Variants in PRDM11 observed in about 807,000 individuals in gnomAD.
PRDM11 encodes PR/SET domain 11.
In PRDM11, 20 loss-of-function variants were observed where a neutral mutation model predicts 97.8. The observed-to-expected ratio is 0.20, with a 90% CI of 0.14 to 0.30. The LOEUF (loss-of-function observed/expected upper bound fraction) is 0.30. Among genes scored for constraint, PRDM11 ranks in the 10% least tolerant of loss-of-function variants. The pLI, the probability that PRDM11 is intolerant of heterozygous loss-of-function variation, is 1.00. For synonymous variants in PRDM11, 599 were observed against 637.7 expected (o/e 0.94, Z 0.91); for missense variants, 1,139 against 1,555.2 (o/e 0.73, Z 4.50).
rs538756620 is a variant in PRDM11, at chr11:45,129,672, T to C, written c.96+33771T>C. Among the ~76,000 whole-genome samples the C allele has an allele frequency of 1.1e-4, 16 of 152,300 alleles. No homozygotes were observed. In the South Asian group the frequency reaches 2.7e-3, roughly 26 times the overall value. On this transcript the variant is annotated intron_variant, in intron 1 of 6. Transcript: ENST00000530656. ...TACATAAACACTTCATGTTTACAGA[T>C]TGGAAGAATCAATATTGTTTCTCTC... is the stretch of plus-strand genomic sequence containing the variant.
intron 1 of PRDM11, among the ~76,000 whole-genome samples, chr11:45,097,483 C>T (rs1425371663): frequency 6.6e-6 from 1 of 151,950 alleles, no homozygotes; most frequent in Non-Finnish European, 1.5e-5. Flanking sequence ...TCATCCCTCC[C>T]ATTTAACAGG....
At chr11:45,225,855 G>A in intron 7 of PRDM11, 140 bp from the exon 8 acceptor site, 1 of 1,102,082 alleles carries the variant, frequency 9.1e-7, no homozygotes, top group Non-Finnish European at 1.2e-6. Context: ...TTCTGGGCTG[G>A]GATTCAATCC....
intron 1 of PRDM11, among the ~76,000 whole-genome samples, chr11:45,180,711 G>A (rs1221801822): frequency 6.7e-6 from 1 of 149,826 alleles, no homozygotes; most frequent in Non-Finnish European, 1.5e-5. Context: ...GGGCCGGGCC[G>A]GGCAGGGAGC....
intron 4 of PRDM11, among the ~76,000 whole-genome samples, chr11:45,187,205 G>C (rs893374642): frequency 3.3e-5 from 5 of 152,194 alleles, no homozygotes; most frequent in African/African-American, 1.2e-4. Context: ...GTGCTGCAGA[G>C]GGCTGTAGCA....
At chr11:45,209,265 C>T in intron 5 of PRDM11, 1 of 370,266 alleles carries the variant, frequency 2.7e-6, no homozygotes. Flanking sequence ...CAGGGCGGAA[C>T]TGGATGGCAC....
rs1326400075 is a variant in PRDM11 at position 45,219,329 on chromosome 11, A to G, written c.555-241A>G. On this transcript the variant is annotated intron_variant, in intron 5 of 7. Coordinates refer to ENST00000683152, the MANE Select transcript of PRDM11 (RefSeq NM_001384648.1). This position sits in a 1 kb window ranked among gnomAD's most constrained non-coding sequence, Gnocchi z 4.2. ...CAGGTGTCATATCCAGTCTCAGAAA[A>G]CAGAGATTCTTAGAGGTTTGGAGAT... Among the ~76,000 whole-genome samples, 1 of 152,164 alleles carries G rather than the reference A, an allele frequency of 6.6e-6. No individual in the cohort carries two copies. The highest frequency in any genetic ancestry group is 1.5e-5 in the Non-Finnish European group (1 of 68,024).
chr11:45,205,645 A>G (rs11828734), intron 5 of PRDM11, among the ~76,000 whole-genome samples: 60,990 of 152,092 alleles, frequency 0.4, 12,505 homozygotes, highest in Non-Finnish European at 0.45. Context: ...CTGACCCATG[A>G]GGCCTTGAGG....
chr11:45,116,531 TA>T (rs1852306817), intron 1 of PRDM11, among the ~76,000 whole-genome samples: 1 of 152,240 alleles, frequency 6.6e-6, no homozygotes, highest in African/African-American at 2.4e-5. Flanking sequence ...AACATATCTT[TA>T]AATAACTCCT....
intron 1 of PRDM11, among the ~76,000 whole-genome samples, chr11:45,164,425 G>A (rs140722272): frequency 6.6e-6 from 1 of 152,344 alleles, no homozygotes; most frequent in Non-Finnish European, 1.5e-5. Flanking sequence ...GCAGCCTTTG[G>A]GCTAATTTTA....
rs116385625 is a variant in PRDM11, at chr11:45,166,609, C to G, written c.-6-15152C>G. Among the ~76,000 whole-genome samples, 1,088 of 152,372 alleles carry G rather than the reference C, an allele frequency of 7.1e-3. 16 individuals are homozygous for G. Among genetic ancestry groups the G allele is most frequent in the African/African-American group, 0.025 (1,042 of 41,594 alleles). ...CTGCAAGCCCCCTGAGGGTGGCGACCTTGTTCACCCATGGTTCCTAGCACC... is the reference window on the plus strand; with the variant it reads ...CTGCAAGCCCCCTGAGGGTGGCGACGTTGTTCACCCATGGTTCCTAGCACC... On this transcript the variant is annotated intron_variant, in intron 1 of 7. Coordinates refer to ENST00000683152, the MANE Select transcript of PRDM11 (RefSeq NM_001384648.1).
Position 45,233,467 on chromosome 11 carries a change from C to T in PRDM11, c.*5308C>T, listed in dbSNP as rs1238305195. 6.6e-6 allele frequency: 1 copy of T among 152,192 alleles called. No individual in the cohort carries two copies. Among genetic ancestry groups the T allele is most frequent in the Non-Finnish European group, 1.5e-5 (1 of 68,064 alleles). 9.4% of individuals were successfully genotyped at this position (152,192 alleles called of 1,614,324 possible). Reference sequence around the variant, plus strand: ...CGGTCACTGCTGCTTGGCAGTAGGACGTGGTCTCTGACTCCTGGTGGAGGG... The same window carrying T: ...CGGTCACTGCTGCTTGGCAGTAGGATGTGGTCTCTGACTCCTGGTGGAGGG... On this transcript the variant is annotated 3_prime_UTR_variant, in exon 8 of 8. Coordinates refer to ENST00000683152, the MANE Select transcript of PRDM11 (RefSeq NM_001384648.1).
chr11:45,181,208 G>C (rs879667690), intron 1 of PRDM11, among the ~76,000 whole-genome samples: 27 of 152,276 alleles, frequency 1.8e-4, no homozygotes, highest in South Asian at 2.1e-4. Flanking sequence ...AGAGAGTCGG[G>C]TGGGGCTGGA....
upstream of PRDM11, among the ~76,000 whole-genome samples, chr11:45,095,067 C>T (rs1414140256): frequency 6.6e-6 from 1 of 152,142 alleles, no homozygotes; most frequent in East Asian, 1.9e-4. Flanking sequence ...AACTGCTTAA[C>T]AACGCCCTTC....
intron 5 of PRDM11, chr11:45,213,138 G>T (rs766903554): frequency 4.8e-5 from 22 of 456,532 alleles, no homozygotes; most frequent in Non-Finnish European, 7.5e-5. Context: ...CAGGATCGAT[G>T]ACCCTTGTAG....
chr11:45,107,668 G>A (rs994107483), intron 1 of PRDM11, among the ~76,000 whole-genome samples: 1 of 152,128 alleles, frequency 6.6e-6, no homozygotes, highest in African/African-American at 2.4e-5. Flanking sequence ...AGCCTGTCAG[G>A]TTTGCTGACT....
intron 1 of PRDM11, among the ~76,000 whole-genome samples, chr11:45,155,521 CAG>C (rs1851772236): frequency 6.6e-6 from 1 of 152,130 alleles, no homozygotes; most frequent in African/African-American, 2.4e-5. Flanking sequence ...CCAACCCAAA[CAG>C]AGTGTCATTT....
upstream of PRDM11, among the ~76,000 whole-genome samples, chr11:45,145,889 AC>A (rs1851496824): frequency 6.6e-6 from 1 of 151,490 alleles, no homozygotes; most frequent in Non-Finnish European, 1.5e-5. Context: ...TTCCCTCTTC[AC>A]CCCCTCTCTG....
chr11:45,127,369 T>C (rs1360850258), intron 1 of PRDM11, among the ~76,000 whole-genome samples: 4 of 152,258 alleles, frequency 2.6e-5, no homozygotes, highest in Non-Finnish European at 4.4e-5. Context: ...CTTTGTTCCG[T>C]TGCTGGTGAG....
chr11:45,209,837 G>A (rs763786656), intron 5 of PRDM11, among the ~76,000 whole-genome samples: 10 of 152,176 alleles, frequency 6.6e-5, no homozygotes, highest in Admixed American at 5.9e-4. Flanking sequence ...GTTAAGGAGT[G>A]GGTAAAACTG....
Sources: gnomAD v4.1 joint callset for allele counts (sites outside exome capture counted in the v4.1 genomes callset) on GRCh38, gnomAD v4.1.1 for gene constraint, Gnocchi (gnomAD v3.1) non-coding constraint, MANE v1.5 for transcripts, NCBI Gene and HGNC (gene_info 2026-07-23, HGNC 2026-07-21) for gene names.